FAF1: variants seen among roughly 807,000 people sequenced by gnomAD.
FAF1 encodes the protein FAS-associated factor 1.
In FAF1, 25 loss-of-function variants were observed where a neutral mutation model predicts 92.5. The ratio of observed to expected loss-of-function variants is 0.27; its 90% CI spans 0.20 to 0.38. FAF1 has a LOEUF of 0.38. Among genes scored for constraint, FAF1 ranks in the 10% least tolerant of loss-of-function variants. The probability of loss-of-function intolerance (pLI) is 1.00; values close to 1 mark genes in which losing one functional copy is unlikely to be tolerated. For synonymous variants in FAF1, 234 were observed against 273.2 expected, an observed-to-expected ratio of 0.86 and a Z score of 1.42; for missense variants, 636 against 793.3, an observed-to-expected ratio of 0.80 and a Z score of 2.38.
In FAF1 at chr1:50,768,961, C is replaced by CT. The variant is rs983284281; in HGVS notation, c.367+19038dup. Among the ~76,000 whole-genome samples, 26 of 151,592 alleles carry CT rather than the reference C, an allele frequency of 1.7e-4. No individual in the cohort carries two copies. The Middle Eastern group carries it at 0.01, about 59-fold the overall frequency. ...AAAATCAAAGCTGAACTGAAGGAAA[C>CT]TGAGACATAAAAAAATATACAAAAG... On this transcript the variant is annotated intron_variant, in intron 4 of 18. Transcript: ENST00000396153.
chr1:50,848,835 A>C (rs1342642034), intron 2 of FAF1, among the ~76,000 whole-genome samples: 2 of 152,244 alleles, frequency 1.3e-5, no homozygotes, highest in East Asian at 1.9e-4. Flanking sequence ...AAGAATCAGC[A>C]CAAGTTGGGA....
intron 15 of FAF1, among the ~76,000 whole-genome samples, chr1:50,533,797 A>G (rs1167518528): frequency 2.6e-5 from 4 of 152,192 alleles, no homozygotes; most frequent in African/African-American, 9.6e-5. Flanking sequence ...AACATCTCAA[A>G]TTAACAAATG....
chr1:50,642,775 G>C (rs559833172), intron 8 of FAF1, among the ~76,000 whole-genome samples: 1 of 152,082 alleles, frequency 6.6e-6, no homozygotes, highest in East Asian at 1.9e-4. Flanking sequence ...AATATGGTTA[G>C]ATTTAAACCA....
At chr1:50,929,470 T>C (rs558122256) in intron 1 of FAF1, among the ~76,000 whole-genome samples, 5 of 152,284 alleles carry the variant, frequency 3.3e-5, no homozygotes, top group Non-Finnish European at 1.5e-5. Context: ...TTCAAAAAAA[T>C]AAAAATTTCC....
chr1:50,724,484 T>C (rs1399597192), intron 6 of FAF1, among the ~76,000 whole-genome samples: 4 of 152,080 alleles, frequency 2.6e-5, no homozygotes, highest in Non-Finnish European at 5.9e-5. Flanking sequence ...ATGGGTATAG[T>C]GGAGTGCATA....
rs185891307 is a variant in FAF1, at chr1:50,464,970, T to C, written c.1869+10494A>G. Among the ~76,000 whole-genome samples the C allele has an allele frequency of 3.3e-5, 5 of 152,298 alleles. No homozygotes were observed. In the East Asian group the frequency reaches 5.8e-4, roughly 18 times the overall value. ...CATTGGTAACCTTTACATCCAATCA[T>C]CTCTCCAATCTTCCCCTGCCTGGTG... On this transcript the variant is annotated intron_variant, in intron 18 of 18. Coordinates refer to ENST00000396153, the MANE Select transcript of FAF1 (RefSeq NM_007051.3).
chr1:50,547,941 G>A (rs1045978299), intron 13 of FAF1, among the ~76,000 whole-genome samples: 8 of 152,104 alleles, frequency 5.3e-5, no homozygotes, highest in Non-Finnish European at 1.0e-4. Context: ...TCATAAAAAT[G>A]GTGTTTACTT....
intron 8 of FAF1, among the ~76,000 whole-genome samples, chr1:50,608,687 C>T (rs1452150555): frequency 3.3e-5 from 5 of 152,162 alleles, no homozygotes; most frequent in East Asian, 1.9e-4. Context: ...TCACTGACAA[C>T]GAAGTATCTG....
chr1:50,941,515 C>T (rs1412366161), intron 1 of FAF1, among the ~76,000 whole-genome samples: 2 of 152,118 alleles, frequency 1.3e-5, no homozygotes, highest in Non-Finnish European at 2.9e-5. Flanking sequence ...CCGTGCCAGT[C>T]CTCAGCTAAT....
intron 6 of FAF1, among the ~76,000 whole-genome samples, chr1:50,734,477 G>A (rs922479174): frequency 6.6e-6 from 1 of 152,130 alleles, no homozygotes; most frequent in African/African-American, 2.4e-5. Context: ...GCTCAAGCCT[G>A]TAATCCCAGC....
At chr1:50,556,437 T>A (rs983083936) in intron 13 of FAF1, among the ~76,000 whole-genome samples, 21 of 152,044 alleles carry the variant, frequency 1.4e-4, no homozygotes, top group African/African-American at 4.6e-4. Context: ...TTGGGTACAA[T>A]GTACACTACT....
chr1:50,724,280 CACACACACACACACAT>C (rs1372786368), intron 6 of FAF1, among the ~76,000 whole-genome samples: 18 of 131,064 alleles, frequency 1.4e-4, no homozygotes, highest in Admixed American at 2.4e-4. Flanking sequence ...TACATATACA[CACACACACACACACAT>C]ACACACACAC....
chr1:50,637,712 T>TGTGC lies in FAF1; in HGVS notation c.744+17729_744+17730insGCAC, dbSNP rs1303561273. Among the ~76,000 whole-genome samples, 861 of 150,640 alleles carry TGTGC rather than the reference T, an allele frequency of 5.7e-3. 11 individuals are homozygous for TGTGC. The highest frequency in any genetic ancestry group is 0.02 in the African/African-American group (824 of 40,880). On this transcript the variant is annotated intron_variant, in intron 8 of 18. Coordinates refer to ENST00000396153, the MANE Select transcript of FAF1 (RefSeq NM_007051.3). Reference sequence around the variant, plus strand: ...GTGTGTGTGTGTGTGTGTGTGTGTGTGCGTGTGCATATGTGTGTATACATA... The same window carrying TGTGC: ...GTGTGTGTGTGTGTGTGTGTGTGTGTGTGCGCGTGTGCATATGTGTGTATACATA...
At chr1:50,736,845 A>T (rs1659161020) in intron 6 of FAF1, among the ~76,000 whole-genome samples, 1 of 152,162 alleles carries the variant, frequency 6.6e-6, no homozygotes, top group South Asian at 2.1e-4. Context: ...AATTATTACC[A>T]TCAACTTTTA....
intron 8 of FAF1, among the ~76,000 whole-genome samples, chr1:50,630,118 T>C (rs1336560845): frequency 6.6e-6 from 1 of 152,046 alleles, no homozygotes; most frequent in Non-Finnish European, 1.5e-5. Flanking sequence ...ACATAAATAT[T>C]GTTTAAATAT....
intron 18 of FAF1, among the ~76,000 whole-genome samples, chr1:50,442,050 A>C (rs941831477): frequency 2.6e-5 from 4 of 152,126 alleles, no homozygotes; most frequent in Non-Finnish European, 4.4e-5. Flanking sequence ...TGGAAAAAAA[A>C]CAGGCAATGT....
At chr1:50,715,013 A>G in intron 6 of FAF1, 1 of 435,822 alleles carries the variant, frequency 2.3e-6, no homozygotes, top group Non-Finnish European at 4.5e-6. Context: ...ACCTGTTGCA[A>G]AGTTCTAAAA....
At chr1:50,497,241 TG>T (rs1352159799) in intron 15 of FAF1, among the ~76,000 whole-genome samples, 1 of 152,026 alleles carries the variant, frequency 6.6e-6, no homozygotes, top group Non-Finnish European at 1.5e-5. Context: ...AGAAGACAAT[TG>T]GGCAACATCT....
At chr1:50,552,508 T>A (rs1277317261) in intron 13 of FAF1, among the ~76,000 whole-genome samples, 4 of 152,134 alleles carry the variant, frequency 2.6e-5, no homozygotes, top group Non-Finnish European at 4.4e-5. Flanking sequence ...TGGAAAAGAT[T>A]GATATAACTC....
Sources: allele counts gnomAD v4.1 joint callset (sites outside exome capture counted in the v4.1 genomes callset), GRCh38; gene constraint gnomAD v4.1.1; transcripts MANE v1.5; gene names NCBI Gene and HGNC (gene_info 2026-07-23, HGNC 2026-07-21).